Variants in ZNF254 observed in about 807,000 individuals in gnomAD.
ZNF254 encodes CTD-2017D11.1.
A neutral mutation model predicts 12.4 loss-of-function variants in ZNF254; 10 were observed. That is an observed-to-expected ratio of 0.80 (90% CI 0.50 to 1.36). The LOEUF (loss-of-function observed/expected upper bound fraction) is 1.36. Among genes scored for constraint, ZNF254 ranks in the 40% most tolerant of loss-of-function variants. The probability of loss-of-function intolerance (pLI) is 0.00; values close to 1 mark genes in which losing one functional copy is unlikely to be tolerated. For synonymous variants in ZNF254, 305 were observed against 253.4 expected (o/e 1.20, Z -1.93); for missense variants, 996 against 763.9 (o/e 1.30, Z -3.58).
intron 3 of ZNF254, among the ~76,000 whole-genome samples, chr19:24,117,755 A>T (rs1410836483): frequency 2.0e-5 from 3 of 151,958 alleles, no homozygotes. Context: ...GGTACCTCGG[A>T]TGGAAATGCA....
chr19:24,034,720 A>G (rs1969901187), intron 1 of ZNF254, among the ~76,000 whole-genome samples: 1 of 150,756 alleles, frequency 6.6e-6, no homozygotes, highest in Admixed American at 6.6e-5. Flanking sequence ...GAGGTAATCC[A>G]CCCACCTCGG....
At chr19:24,107,279 A>AAATTAT in intron 3 of ZNF254, 3 of 623,810 alleles carry the variant, frequency 4.8e-6, no homozygotes, top group Non-Finnish European at 8.5e-6. Flanking sequence ...CTTTAAATCT[A>AAATTAT]CAGGTCACTT....
intron 3 of ZNF254, among the ~76,000 whole-genome samples, chr19:24,121,626 T>G (rs915736669): frequency 6.6e-6 from 1 of 152,028 alleles, no homozygotes; most frequent in African/African-American, 2.4e-5. Flanking sequence ...GGCACGATCT[T>G]GGCTCACTGC....
intron 2 of ZNF254, among the ~76,000 whole-genome samples, chr19:24,059,452 C>G (rs949762670): frequency 6.6e-6 from 1 of 152,150 alleles, no homozygotes; most frequent in African/African-American, 2.4e-5. Context: ...TTACTCTGCT[C>G]TTATTCTTCA....
At chr19:24,122,160 A>G (rs1038279387) in intron 3 of ZNF254, among the ~76,000 whole-genome samples, 9 of 152,184 alleles carry the variant, frequency 5.9e-5, no homozygotes, top group Admixed American at 5.9e-4. Context: ...GTCATGCAAC[A>G]TATTGCTAGA....
At chr19:24,075,427 T>G (rs1031483253) in intron 2 of ZNF254, among the ~76,000 whole-genome samples, 17 of 152,240 alleles carry the variant, frequency 1.1e-4, no homozygotes, top group African/African-American at 2.4e-4. Context: ...GAAATAAATT[T>G]TACAGCTGGG....
intron 1 of ZNF254, among the ~76,000 whole-genome samples, chr19:24,089,245 G>A (rs1299185741): frequency 2.6e-5 from 4 of 152,040 alleles, no homozygotes; most frequent in African/African-American, 9.7e-5. Context: ...GAAAGTGCTG[G>A]GATTACAGGC....
intron 2 of ZNF254, among the ~76,000 whole-genome samples, chr19:24,055,430 C>T (rs1970814187): frequency 6.6e-6 from 1 of 151,686 alleles, no homozygotes; most frequent in Non-Finnish European, 1.5e-5. Context: ...AGGCACATAC[C>T]ACCATGCCCG....
At chr19:24,061,869 A>G (rs1248525167) in intron 2 of ZNF254, among the ~76,000 whole-genome samples, 1 of 152,086 alleles carries the variant, frequency 6.6e-6, no homozygotes, top group Non-Finnish European at 1.5e-5. Context: ...GGATCACCTG[A>G]TGTCGGGAGT....
intron 2 of ZNF254, among the ~76,000 whole-genome samples, chr19:24,053,152 G>A (rs565591902): frequency 1.3e-5 from 2 of 152,116 alleles, no homozygotes; most frequent in African/African-American, 4.8e-5. Context: ...ATGTTAATTC[G>A]ATCCATAGAG....
At chr19:24,103,016 A>G (rs73524134) in intron 1 of ZNF254, among the ~76,000 whole-genome samples, 2 of 152,354 alleles carry the variant, frequency 1.3e-5, no homozygotes, top group African/African-American at 4.8e-5. Flanking sequence ...GTGCTATCAC[A>G]GTGCTCTGTA....
chr19:24,053,566 A>G (rs1036078941), intron 2 of ZNF254, among the ~76,000 whole-genome samples: 1 of 151,924 alleles, frequency 6.6e-6, no homozygotes, highest in African/African-American at 2.4e-5. Flanking sequence ...CCTAGTGCCC[A>G]GGTGATATGA....
At chr19:24,053,450 C>T (rs532852611) in intron 2 of ZNF254, among the ~76,000 whole-genome samples, 3 of 152,124 alleles carry the variant, frequency 2.0e-5, no homozygotes, top group South Asian at 2.1e-4. Flanking sequence ...CTGGGCCCAA[C>T]GTACAGATGG....
intron 1 of ZNF254, chr19:24,098,965 T>C (rs7257096): frequency 0.3 from 44,095 of 147,974 alleles, 8,036 homozygotes; most frequent in African/African-American, 0.52. Flanking sequence ...TGCAGGCTCT[T>C]CTTCTGCAGC....
upstream of ZNF254, among the ~76,000 whole-genome samples, chr19:24,082,874 A>C (rs757068622): frequency 2.0e-5 from 3 of 151,992 alleles, no homozygotes; most frequent in African/African-American, 4.8e-5. Flanking sequence ...TGAACAGGAA[A>C]AAGTTGGAAA....
chr19:24,060,294 G>GT (rs1250035113), intron 2 of ZNF254, among the ~76,000 whole-genome samples: 1 of 152,144 alleles, frequency 6.6e-6, no homozygotes, highest in African/African-American at 2.4e-5. Flanking sequence ...TCTATTGCTG[G>GT]TTTCAGCACC....
intron 2 of ZNF254, among the ~76,000 whole-genome samples, chr19:24,075,397 TAAAGAG>T (rs962031803): frequency 2.6e-5 from 4 of 151,986 alleles, no homozygotes; most frequent in African/African-American, 9.7e-5. Context: ...GTCTGAGAAA[TAAAGAG>T]AAAGAGTACA....
chr19:24,125,971 A>T (rs1974806300), intron 3 of ZNF254, among the ~76,000 whole-genome samples: 2 of 152,228 alleles, frequency 1.3e-5, no homozygotes, highest in Non-Finnish European at 2.9e-5. Flanking sequence ...GAAAAGATGT[A>T]TTGAGTAAAT....
intron 1 of ZNF254, among the ~76,000 whole-genome samples, chr19:24,095,010 T>A (rs1031936734): frequency 1.3e-5 from 2 of 152,178 alleles, no homozygotes; most frequent in African/African-American, 4.8e-5. Context: ...GTCCATTCAG[T>A]ATGTTGGCTG....
Sources: gnomAD v4.1 joint callset for allele counts (sites outside exome capture counted in the v4.1 genomes callset) on GRCh38, gnomAD v4.1.1 for gene constraint, MANE v1.5 for transcripts, NCBI Gene and HGNC (gene_info 2026-07-23, HGNC 2026-07-21) for gene names.